The following PIAS4 variants were observed in gnomAD, a reference collection of about 807,000 sequenced individuals.
The protein encoded by PIAS4 is protein inhibitor of activated STAT 4, also known as E3 SUMO-protein ligase PIAS4.
In PIAS4, 7 loss-of-function variants were observed where a neutral mutation model predicts 58.0. That is an observed-to-expected ratio of 0.12 (90% CI 0.07 to 0.23). The LOEUF is 0.23. PIAS4 is among the 10% of genes least tolerant of loss of function. The pLI is 1.00. For missense variants in PIAS4, 550 were observed against 709.5 expected (o/e 0.78, Z 2.55); for synonymous variants, 364 against 312.4 (o/e 1.17, Z -1.74).
chr19:4,033,790 C>G (rs1000284377), intron 9 of PIAS4, among the ~76,000 whole-genome samples: 1 of 152,176 alleles, frequency 6.6e-6, no homozygotes, highest in African/African-American at 2.4e-5. Flanking sequence ...GTGACAGCCA[C>G]GTAGCTTAGG....
chr19:4,034,658 C>A (rs149719494), intron 9 of PIAS4, among the ~76,000 whole-genome samples: 12 of 152,220 alleles, frequency 7.9e-5, no homozygotes, highest in Non-Finnish European at 1.3e-4. Flanking sequence ...GCTGTGCAGC[C>A]GGGTGCCCGC....
intron 3 of PIAS4, among the ~76,000 whole-genome samples, chr19:4,027,397 C>T (rs1323441796): frequency 1.3e-5 from 2 of 152,156 alleles, no homozygotes; most frequent in Non-Finnish European, 2.9e-5. Context: ...GCGTCCCGTG[C>T]GTGTTGGTCC....
intron 2 of PIAS4, among the ~76,000 whole-genome samples, chr19:4,023,740 G>A (rs2040134014): frequency 6.6e-6 from 1 of 152,214 alleles, no homozygotes; most frequent in Admixed American, 6.5e-5. Flanking sequence ...AGGCAGCTCG[G>A]CACTTTTCGG....
chr19:4,036,269 C>T (rs556200929), intron 9 of PIAS4, among the ~76,000 whole-genome samples: 1 of 80,752 alleles, frequency 1.2e-5, no homozygotes, highest in African/African-American at 3.3e-5. Flanking sequence ...GCACACACAT[C>T]TATATGGTCT....
Position 4,037,373 on chromosome 19 carries a change from G to T in PIAS4, c.1143-1G>T. 1 of 1,602,220 alleles carries T rather than the reference G, an allele frequency of 6.2e-7. No individual in the cohort carries two copies. Among genetic ancestry groups the T allele is most frequent in the South Asian group, 1.1e-5 (1 of 90,800 alleles). ...GGCGTCAGCTGTCCGCCTCGCCCCA[G>T]GCTCCTCTCGAAGATCCTGAGCGAG... is the stretch of plus-strand genomic sequence containing the variant. On this transcript the variant is annotated splice_acceptor_variant, in intron 9 of 10. Coordinates refer to ENST00000262971, the MANE Select transcript of PIAS4 (RefSeq NM_015897.4). LOFTEE classifies it high-confidence loss of function. The surrounding 1 kb of genome is among the most constrained non-coding windows in gnomAD (Gnocchi z 5.8).
chr19:4,033,375 G>A (rs1199909441), intron 8 of PIAS4, 45 bp from the exon 9 acceptor site: 1 of 1,522,022 alleles, frequency 6.6e-7, no homozygotes, highest in Non-Finnish European at 8.8e-7. Flanking sequence ...GGGCAGGCGG[G>A]CACAACAGGA....
intron 7 of PIAS4, among the ~76,000 whole-genome samples, chr19:4,030,209 T>C (rs1009297144): frequency 1.4e-5 from 2 of 143,708 alleles, no homozygotes; most frequent in Non-Finnish European, 3.2e-5. Context: ...GCAGTGCACC[T>C]GCCTCAATCT....
chr19:4,033,223 T>TC lies in PIAS4; in HGVS notation c.981+56dup, dbSNP rs779963736. The TC allele has an allele frequency of 1.2e-5, 19 of 1,539,180 alleles. No homozygotes were observed. The Admixed American group carries it at 2.2e-4, about 18-fold the overall frequency. ...TCGAGGCCTCTCCTGCGGCCGGCCT[T>TC]CCCCCCTGGCGGCCCTGGGCCCGGG... On this transcript the variant is annotated intron_variant, in intron 8 of 10. Transcript: ENST00000262971.
chr19:4,021,184 A>T (rs1218635894), intron 2 of PIAS4, among the ~76,000 whole-genome samples: 1 of 151,688 alleles, frequency 6.6e-6, no homozygotes, highest in Non-Finnish European at 1.5e-5. Context: ...ACAGAGCCTC[A>T]CTCTGTCACC....
At chr19:4,008,951 C>G (rs1159477091) in intron 1 of PIAS4, among the ~76,000 whole-genome samples, 1 of 152,166 alleles carries the variant, frequency 6.6e-6, no homozygotes, top group Non-Finnish European at 1.5e-5. Context: ...GGGTCCTGTC[C>G]AGGTCCCATG....
At position 4,013,657 on chromosome 19, in the gene PIAS4, A is replaced by G. The variant is rs1184480561; in HGVS notation, c.454+308A>G. 1.3e-5 allele frequency among the ~76,000 whole-genome samples: 2 copies of G among 152,078 alleles called. No individual in the cohort carries two copies. Among genetic ancestry groups the G allele is most frequent in the Non-Finnish European group, 2.9e-5 (2 of 67,988 alleles). On this transcript the variant is annotated intron_variant, in intron 2 of 10. Coordinates refer to ENST00000262971, the MANE Select transcript of PIAS4 (RefSeq NM_015897.4). This position sits in a 1 kb window ranked among gnomAD's most constrained non-coding sequence, Gnocchi z 5.1. ...TTGGGGGCTCTCATGAGGCTCAGTC[A>G]GGCTGGAGCCACCTCATCTGGAGGC...
chr19:4,010,685 A>G (rs1464845120), intron 1 of PIAS4, among the ~76,000 whole-genome samples: 1 of 152,150 alleles, frequency 6.6e-6, no homozygotes, highest in Non-Finnish European at 1.5e-5. Flanking sequence ...CGCATGTACT[A>G]GGGAGGCTCT....
rs1198560248 is a variant in PIAS4, at chr19:4,028,725, C to T, written c.678C>T (p.Tyr226=). Residue 226 remains tyrosine, a synonymous_variant, in exon 6 of 11, where the codon TAC becomes TAT. Transcript: ENST00000262971. ...VNHSYCSVPG[Y]YPSNKPGVEP... ...AGCGGCCCATCTGCTTGCAGGGCTA[C>T]TACCCCTCCAATAAGCCCGGGGTGG... is the stretch of plus-strand genomic sequence containing the variant. 1 of 1,610,334 alleles carries T rather than the reference C, an allele frequency of 6.2e-7. No individual in the cohort carries two copies. The highest frequency in any genetic ancestry group is 1.3e-5 in the African/African-American group (1 of 74,878).
rs61729791 is a variant in PIAS4 at position 4,033,146 on chromosome 19, C to T, written c.954C>T (p.Thr318=). The T allele has an allele frequency of 2.9e-3, 4,658 of 1,610,986 alleles. 11 individuals carry two copies. The highest frequency in any genetic ancestry group is 3.6e-3 in the Non-Finnish European group (4,295 of 1,179,726). The change falls in exon 8 of 11, where the codon ACC becomes ACT. Residue 318 remains threonine (T), a synonymous_variant. Transcript: ENST00000262971. ...ATCCTGACAGCGAGATCGCCACCAC[C>T]GGTGTGCGGGTGTCCCTCATCTGTC... ...RLDPDSEIAT[T]GVRVSLICPL... is the part of the protein sequence containing the mutation.
intron 7 of PIAS4, among the ~76,000 whole-genome samples, chr19:4,030,695 C>T (rs921302263): frequency 1.3e-5 from 2 of 152,214 alleles, no homozygotes. Context: ...ACAAAGCCAG[C>T]GTACAGCAGT....
At chr19:4,014,418 G>A (rs2040031166) in intron 2 of PIAS4, among the ~76,000 whole-genome samples, 1 of 152,194 alleles carries the variant, frequency 6.6e-6, no homozygotes. Flanking sequence ...AGGGCAGAGA[G>A]AGTGTGCAGC....
In PIAS4 at chr19:4,038,109, C is replaced by T; in HGVS notation, c.*234C>T. The stretch of plus-strand genomic sequence containing the variant: ...AAAAAGAAAAATGAAACAAAAAAGT[C>T]AAACTCTTAAAAACAAGGCCGGCCA... On this transcript the variant is annotated 3_prime_UTR_variant, in exon 11 of 11. Coordinates refer to ENST00000262971, the MANE Select transcript of PIAS4 (RefSeq NM_015897.4). The surrounding 1 kb of genome is among the most constrained non-coding windows in gnomAD (Gnocchi z 4.1). The T allele has an allele frequency of 1.9e-6, 1 of 529,830 alleles. No homozygotes were observed. The highest frequency in any genetic ancestry group is 3.9e-5 in the Admixed American group (1 of 25,668). The allele number at this position is 529,830 out of a possible 1,614,324, so 32.8% of individuals were successfully genotyped here. A position where few individuals can be genotyped will look rare whatever the true frequency, so the allele number is the denominator to read the frequency against.
chr19:4,013,121 C>A lies in PIAS4; in HGVS notation c.226C>A (p.Gln76Lys). ...YAKKNSEPAP[Q>K]PHRPLDPLTM... is the part of the protein sequence containing the mutation. ...CAAGAAGAACTCGGAGCCTGCCCCA[C>A]AGCCGCACCGGCCCCTGGACCCCCT... Residue 76 changes from glutamine to lysine, a missense_variant, in exon 2 of 11, where the codon CAG becomes AAG. Gln to Lys is a moderately conservative substitution (Grantham distance 53). Around this residue, in one of 4 missense-constraint regions of PIAS4, gnomAD observed 95 missense variants for 87.5 expected, o/e 1.09. Coordinates refer to ENST00000262971, the MANE Select transcript of PIAS4 (RefSeq NM_015897.4). This position sits in a 1 kb window ranked among gnomAD's most constrained non-coding sequence, Gnocchi z 5.1. The A allele has an allele frequency of 6.2e-7, 1 of 1,613,426 alleles. No homozygotes were observed. The highest frequency in any genetic ancestry group is 1.1e-5 in the South Asian group (1 of 91,084).
At chr19:4,024,792 TTG>T (rs2040145957) in intron 3 of PIAS4, among the ~76,000 whole-genome samples, 1 of 151,962 alleles carries the variant, frequency 6.6e-6, no homozygotes, top group Non-Finnish European at 1.5e-5. Context: ...AGTGTAGCTC[TTG>T]TTATCCAGGC....
Sources: allele counts gnomAD v4.1 joint callset (sites outside exome capture counted in the v4.1 genomes callset), GRCh38; gene constraint gnomAD v4.1.1; regional missense constraint gnomAD v4.1.1; non-coding constraint Gnocchi (gnomAD v3.1); transcripts MANE v1.5; gene names NCBI Gene and HGNC (gene_info 2026-07-23, HGNC 2026-07-21).